The following SCHIP1 variants were observed in gnomAD, a reference collection of about 807,000 sequenced individuals.
SCHIP1 encodes the protein schwannomin-interacting protein 1.
SCHIP1 carries 8 observed loss-of-function variants against 29.7 expected under a neutral mutation model. That is an observed-to-expected ratio of 0.27 (90% confidence interval 0.16 to 0.49). The LOEUF is 0.49. SCHIP1 is among the 20% of genes least tolerant of loss of function. SCHIP1 has a pLI of 0.99. For missense variants in SCHIP1, 193 were observed against 294.6 expected (o/e 0.66, Z 2.52); for synonymous variants, 76 against 94.9 (o/e 0.80, Z 1.16).
chr3:159,778,139 G>A, the SCHIP1 span, among the ~76,000 whole-genome samples: 5 of 152,174 alleles, frequency 3.3e-5, no homozygotes, highest in East Asian at 1.9e-4. Flanking sequence ...CCGCCAGCGC[G>A]CCTGCCAGCA....
the SCHIP1 span, among the ~76,000 whole-genome samples, chr3:159,786,666 C>CGTGT: frequency 9.6e-4 from 120 of 124,886 alleles, no homozygotes; most frequent in Middle Eastern, 8.7e-3. Context: ...TGAGTCAAAG[C>CGTGT]GTGTGTGTGT....
the SCHIP1 span, among the ~76,000 whole-genome samples, chr3:159,629,052 C>T: frequency 7.2e-5 from 11 of 152,032 alleles, no homozygotes; most frequent in Non-Finnish European, 1.5e-4. Context: ...AGAGTACATT[C>T]TATCAATTAT....
At chr3:159,395,561 C>G in the SCHIP1 span, among the ~76,000 whole-genome samples, 1 of 151,974 alleles carries the variant, frequency 6.6e-6, no homozygotes, top group South Asian at 2.1e-4. Context: ...TTATTTCTGC[C>G]TTCATTTCGT....
the SCHIP1 span, among the ~76,000 whole-genome samples, chr3:159,756,822 C>T: frequency 6.6e-6 from 1 of 152,214 alleles, no homozygotes; most frequent in South Asian, 2.1e-4. Flanking sequence ...CAAAGTTCCA[C>T]AGATCTCTAG....
chr3:159,546,356 G>C, the SCHIP1 span, among the ~76,000 whole-genome samples: 1 of 152,032 alleles, frequency 6.6e-6, no homozygotes, highest in Non-Finnish European at 1.5e-5. Flanking sequence ...AGTATTTTCT[G>C]TACATTTTTA....
At chr3:159,814,621 C>A in the SCHIP1 span, among the ~76,000 whole-genome samples, 5 of 152,224 alleles carry the variant, frequency 3.3e-5, no homozygotes, top group Admixed American at 1.3e-4. Flanking sequence ...ATGTGCCGCA[C>A]ATTTTGCCGA....
the SCHIP1 span, among the ~76,000 whole-genome samples, chr3:159,349,592 C>T: frequency 2.2e-4 from 33 of 152,302 alleles, no homozygotes; most frequent in African/African-American, 7.7e-4. Flanking sequence ...GTCCCTACTA[C>T]AATCTGTTCT....
chr3:159,437,838 G>A, the SCHIP1 span, among the ~76,000 whole-genome samples: 1 of 152,114 alleles, frequency 6.6e-6, no homozygotes, highest in Admixed American at 6.6e-5. Context: ...GAATCTTTGA[G>A]AAAGATACTA....
chr3:159,665,919 G>A, the SCHIP1 span, among the ~76,000 whole-genome samples: 11 of 152,250 alleles, frequency 7.2e-5, no homozygotes, highest in East Asian at 5.8e-4. Context: ...CAGGTTAGGC[G>A]TCTCCTTGGG....
the SCHIP1 span, among the ~76,000 whole-genome samples, chr3:159,356,807 CAGAT>C: frequency 2.0e-5 from 3 of 152,140 alleles, no homozygotes; most frequent in South Asian, 2.1e-4. Flanking sequence ...TGGAGGCAGA[CAGAT>C]AGAACAGAGC....
the SCHIP1 span, among the ~76,000 whole-genome samples, chr3:159,280,354 T>G: frequency 3.4e-4 from 52 of 152,280 alleles, no homozygotes; most frequent in East Asian, 9.3e-3. Flanking sequence ...CTATGAATCT[T>G]TCTCTGGCCC....
At chr3:159,840,231 G>C in intron 1 of SCHIP1, 1 of 1,530,452 alleles carries the variant, frequency 6.5e-7, no homozygotes. Context: ...TTTAAAGCCT[G>C]ATTCTGAGGC....
At chr3:159,473,674 GAAA>G in the SCHIP1 span, among the ~76,000 whole-genome samples, 52 of 81,436 alleles carry the variant, frequency 6.4e-4, no homozygotes, top group South Asian at 3.9e-3. Context: ...ATGTAACTAC[GAAA>G]AAAAAAAAAA....
At chr3:159,290,835 G>A in the SCHIP1 span, among the ~76,000 whole-genome samples, 2 of 152,002 alleles carry the variant, frequency 1.3e-5, no homozygotes, top group African/African-American at 4.8e-5. Flanking sequence ...CTGTTGTAAG[G>A]AATCAAGATT....
the SCHIP1 span, among the ~76,000 whole-genome samples, chr3:159,828,384 T>TAC: frequency 1.5e-5 from 1 of 68,224 alleles, no homozygotes; most frequent in Non-Finnish European, 2.9e-5. Flanking sequence ...TACATATATA[T>TAC]ATACATATAT....
chr3:159,612,246 T>C, the SCHIP1 span, among the ~76,000 whole-genome samples: 2 of 152,102 alleles, frequency 1.3e-5, no homozygotes, highest in African/African-American at 4.8e-5. Flanking sequence ...TGAATACTGA[T>C]ATAAAATTTA....
the SCHIP1 span, among the ~76,000 whole-genome samples, chr3:159,700,813 C>CAA: frequency 1.4e-4 from 13 of 90,966 alleles, no homozygotes; most frequent in East Asian, 3.6e-3. Context: ...GAATCCAACT[C>CAA]AAAAAAAAAA....
intron 1 of SCHIP1, among the ~76,000 whole-genome samples, chr3:159,865,586 G>C (rs1714534794): frequency 6.6e-6 from 1 of 152,186 alleles, no homozygotes; most frequent in Admixed American, 6.5e-5. Flanking sequence ...CTCTTGAATG[G>C]AAACAACAGT....
chr3:159,674,598 TAAA>T, the SCHIP1 span, among the ~76,000 whole-genome samples: 225 of 53,970 alleles, frequency 4.2e-3, 2 homozygotes, highest in African/African-American at 0.016. Flanking sequence ...GGGTCAGGAT[TAAA>T]AAAAAAAAAA....
Sources: gnomAD v4.1 joint callset for allele counts (sites outside exome capture counted in the v4.1 genomes callset) on GRCh38, gnomAD v4.1.1 for gene constraint, MANE v1.5 for transcripts, NCBI Gene and HGNC (gene_info 2026-07-23, HGNC 2026-07-21) for gene names.